DOCK7: variants seen among roughly 807,000 people sequenced by gnomAD.
The protein encoded by DOCK7 is dedicator of cytokinesis protein 7.
Under a neutral mutation model 271.0 loss-of-function variants are expected in DOCK7, and 138 were observed. The ratio of observed to expected loss-of-function variants is 0.51; its 90% CI spans 0.44 to 0.59. The LOEUF (loss-of-function observed/expected upper bound fraction) is 0.59, where lower values mean the gene tolerates loss of function less well. Ranked by LOEUF, DOCK7 falls within the 20% of genes least tolerant of loss-of-function variation. The pLI, the probability that DOCK7 is intolerant of heterozygous loss-of-function variation, is 0.00. For synonymous variants in DOCK7, 823 were observed against 876.1 expected (o/e 0.94, Z 1.07); for missense variants, 2,066 against 2,592.4 (o/e 0.80, Z 4.41).
intron 42 of DOCK7, 115 bp downstream of exon 42, chr1:62,488,819 A>G (rs1369676358): frequency 1.5e-6 from 2 of 1,329,520 alleles, no homozygotes; most frequent in African/African-American, 2.9e-5. Flanking sequence ...GCTCATTTGT[A>G]GTCTGATTAA....
intron 14 of DOCK7, among the ~76,000 whole-genome samples, chr1:62,592,421 G>A (rs1211989401): frequency 6.6e-6 from 1 of 151,988 alleles, no homozygotes; most frequent in African/African-American, 2.4e-5. Flanking sequence ...GGTGAGAAAG[G>A]CATTTCTTAG....
intron 1 of DOCK7, among the ~76,000 whole-genome samples, chr1:62,667,586 G>A (rs370998323): frequency 2.6e-5 from 4 of 152,272 alleles, no homozygotes; most frequent in Non-Finnish European, 5.9e-5. Context: ...ATGGTGGTGC[G>A]TGCCTGCAGT....
At chr1:62,633,372 T>C in intron 10 of DOCK7, 126 bp downstream of exon 10, 1 of 697,696 alleles carries the variant, frequency 1.4e-6, no homozygotes, top group Non-Finnish European at 2.4e-6. Context: ...GTAAAATTCC[T>C]TAATATGCTT....
At chr1:62,523,099 A>G (rs145033410) in intron 31 of DOCK7, among the ~76,000 whole-genome samples, 1 of 152,202 alleles carries the variant, frequency 6.6e-6, no homozygotes, top group Non-Finnish European at 1.5e-5. Context: ...ACGAGATTCA[A>G]TAGTATAATC....
At chr1:62,559,496 G>A (rs1646253776) in intron 19 of DOCK7, among the ~76,000 whole-genome samples, 1 of 149,134 alleles carries the variant, frequency 6.7e-6, no homozygotes, top group South Asian at 2.1e-4. Flanking sequence ...TTCAATTATT[G>A]TGGCAGGCAT....
chr1:62,535,503 C>T lies in DOCK7; in HGVS notation c.3601G>A (p.Asp1201Asn). Reference protein sequence around the residue: ...LTELAVILDPDAEGLFGLHKK... With the variant: ...LTELAVILDPNAEGLFGLHKK... The stretch of plus-strand genomic sequence containing the variant: ...AACTAGTGTACTCACCCTTCAGCAT[C>T]AGGGTCTAAAATGACAGCCAGCTCT... Residue 1201 changes from aspartate to asparagine, a missense_variant, in exon 29 of 50, where the codon GAT becomes AAT. By Grantham distance (23) the Asp-to-Asn change is conservative. Transcript: ENST00000635253. 1 of 1,613,576 alleles carries T rather than the reference C, an allele frequency of 6.2e-7. No homozygotes were observed. The highest frequency in any genetic ancestry group is 8.5e-7 in the Non-Finnish European group (1 of 1,179,758).
intron 18 of DOCK7, among the ~76,000 whole-genome samples, chr1:62,568,643 A>G (rs1646614362): frequency 1.3e-5 from 2 of 150,178 alleles, no homozygotes; most frequent in South Asian, 4.2e-4. Flanking sequence ...GGAAGATCTC[A>G]AAGTGAAATC....
At chr1:62,528,127 A>T in intron 31 of DOCK7, 24 bp downstream of exon 31, 2 of 1,583,732 alleles carry the variant, frequency 1.3e-6, no homozygotes, top group Non-Finnish European at 1.7e-6. Flanking sequence ...AGAAAAAAAA[A>T]TTCTGTAGGA....
intron 10 of DOCK7, among the ~76,000 whole-genome samples, chr1:62,632,521 G>A (rs147232888): frequency 6.6e-6 from 1 of 152,154 alleles, no homozygotes; most frequent in African/African-American, 2.4e-5. Flanking sequence ...GGTTTGGGTT[G>A]CTTACCCAGT....
intron 48 of DOCK7, 28 bp from the exon 49 acceptor site, chr1:62,457,733 A>T (rs1173447901): frequency 6.2e-7 from 1 of 1,604,934 alleles, no homozygotes. Flanking sequence ...TTATCAAGAT[A>T]TTACTTCTGG....
At chr1:62,586,455 G>A (rs2149498884) in intron 15 of DOCK7, 52 bp downstream of exon 15, 1 of 1,359,652 alleles carries the variant, frequency 7.4e-7, no homozygotes, top group Non-Finnish European at 1.0e-6. Flanking sequence ...AAAGAAAAAA[G>A]TCTATTTGAA....
chr1:62,563,066 C>T (rs919118871), intron 18 of DOCK7, among the ~76,000 whole-genome samples: 2 of 152,132 alleles, frequency 1.3e-5, no homozygotes, highest in Admixed American at 1.3e-4. Flanking sequence ...ACAGAGGTGA[C>T]AGTGGAGGCC....
In DOCK7 at chr1:62,586,597, A is replaced by T; in HGVS notation, c.1710T>A (p.Ser570Arg). The T allele has an allele frequency of 6.2e-7, 1 of 1,611,680 alleles. No homozygotes were observed. Among genetic ancestry groups the T allele is most frequent in the Non-Finnish European group, 8.5e-7 (1 of 1,178,244 alleles). The change falls in exon 15 of 50, where the codon AGT becomes AGA. Residue 570 changes from serine (S) to arginine (R), a missense_variant. Ser to Arg is a moderately radical substitution (Grantham distance 110). This residue lies in a region of DOCK7 where 1,414 missense variants were observed against 1,670.4 expected (regional missense o/e 0.85). Coordinates refer to ENST00000635253, the MANE Select transcript of DOCK7 (RefSeq NM_001367561.1). Reference protein sequence around the residue: ...YRNLLYIYPQSLNFANRQGSA... With the variant: ...YRNLLYIYPQRLNFANRQGSA... The stretch of plus-strand genomic sequence containing the variant: ...AACCTTGACGATTGGCAAAATTAAG[A>T]CTCTGAGGGTATATGTAGAGAAGAT...
At position 62,505,724 on chromosome 1, in the gene DOCK7, A is replaced by G. The variant is rs1358489108; in HGVS notation, c.4569T>C (p.Tyr1523=). Residue 1523 remains tyrosine (Y), a synonymous_variant, in exon 36 of 50, where the codon TAT becomes TAC. Transcript: ENST00000635253. ...TCTGTGTAGCAAAACAGTGTTGTAG[A>G]TAAACTGCACTTTGGTTACAGGCCA... ...HSMACNQSAV[Y]LQHCFATQRA... 2 of 1,613,578 alleles carry G rather than the reference A, an allele frequency of 1.2e-6. No homozygotes were observed. Among genetic ancestry groups the G allele is most frequent in the African/African-American group, 1.3e-5 (1 of 74,924 alleles).
intron 43 of DOCK7, 86 bp from the exon 44 acceptor site, chr1:62,477,911 A>G: frequency 1.4e-6 from 2 of 1,397,298 alleles, no homozygotes; most frequent in South Asian, 1.8e-5. Flanking sequence ...GTTACAGCAT[A>G]AAATTTCCAA....
At chr1:62,643,974 G>T (rs1256068618) in intron 7 of DOCK7, among the ~76,000 whole-genome samples, 2 of 151,748 alleles carry the variant, frequency 1.3e-5, no homozygotes, top group African/African-American at 2.4e-5. Flanking sequence ...AGAGTCTCTT[G>T]TTCCTTTATA....
At chr1:62,628,453 G>A (rs780763721) in intron 11 of DOCK7, 1 of 152,168 alleles carries the variant, frequency 6.6e-6, no homozygotes, top group Non-Finnish European at 1.5e-5. Flanking sequence ...AATGGGAAAA[G>A]AATAGCCTTT....
At chr1:62,632,336 T>C (rs902550729) in intron 10 of DOCK7, among the ~76,000 whole-genome samples, 1 of 152,198 alleles carries the variant, frequency 6.6e-6, no homozygotes, top group Non-Finnish European at 1.5e-5. Flanking sequence ...AAGAGCACTA[T>C]GTAACAGAGC....
intron 18 of DOCK7, among the ~76,000 whole-genome samples, chr1:62,563,863 C>CAAAAAAAAAAAAAAAAAAAAAAAAAAAA (rs71045848): frequency 2.6e-5 from 1 of 38,816 alleles, no homozygotes; most frequent in African/African-American, 1.0e-4. Flanking sequence ...ATTTACCAAG[C>CAAAAAAAAAAAAAAAAAAAAAAAAAAAA]AAAAAAAAAA....
Sources: gnomAD v4.1 joint callset for allele counts (sites outside exome capture counted in the v4.1 genomes callset) on GRCh38, gnomAD v4.1.1 for gene constraint, gnomAD v4.1.1 regional missense constraint, MANE v1.5 for transcripts, NCBI Gene and HGNC (gene_info 2026-07-23, HGNC 2026-07-21) for gene names.